The following MGAT4C variants were observed in gnomAD, a reference collection of about 807,000 sequenced individuals.
MGAT4C encodes MGAT4 family member C.
MGAT4C carries 19 observed loss-of-function variants against 40.1 expected under a neutral mutation model. That is an observed-to-expected ratio of 0.47 (90% CI 0.33 to 0.70). The LOEUF (loss-of-function observed/expected upper bound fraction) is 0.70. Among genes scored for constraint, MGAT4C ranks in the 30% least tolerant of loss-of-function variants. MGAT4C has a pLI of 0.02. For missense variants in MGAT4C, 491 were observed against 563.2 expected (o/e 0.87, Z 1.30); for synonymous variants, 181 against 187.1 (o/e 0.97, Z 0.27).
In MGAT4C at chr12:86,319,892, A is replaced by G. The variant is rs1044752028; in HGVS notation, c.-57+14173T>C. Among the ~76,000 whole-genome samples, 4 of 152,210 alleles carry G rather than the reference A, an allele frequency of 2.6e-5. No individual in the cohort carries two copies. The South Asian group carries it at 8.3e-4, about 32-fold the overall frequency. ...AAATGATAAAATTTTTTTAAAGTCC[A>G]TAATTTGAAAAGAAGAAATGAAATT... On this transcript the variant is annotated intron_variant, in intron 4 of 7. Coordinates refer to the MGAT4C transcript ENST00000548651.
At chr12:86,246,107 A>G (rs1195992787) in intron 1 of MGAT4C, among the ~76,000 whole-genome samples, 3 of 149,982 alleles carry the variant, frequency 2.0e-5, no homozygotes, top group Non-Finnish European at 4.4e-5. Flanking sequence ...GTTTCAGTTA[A>G]TTTCTCCAAT....
chr12:86,352,503 A>G (rs1449641389), intron 3 of MGAT4C, among the ~76,000 whole-genome samples: 1 of 152,122 alleles, frequency 6.6e-6, no homozygotes, highest in Non-Finnish European at 1.5e-5. Flanking sequence ...GTAATTTACT[A>G]TAGATTGATT....
chr12:86,180,196 T>A (rs1887956496), intron 1 of MGAT4C, among the ~76,000 whole-genome samples: 2 of 152,162 alleles, frequency 1.3e-5, no homozygotes, highest in African/African-American at 4.8e-5. Flanking sequence ...GTTGAGCCTG[T>A]GGGTACACAG....
intron 1 of MGAT4C, among the ~76,000 whole-genome samples, chr12:86,117,321 G>T (rs1333567442): frequency 6.6e-6 from 1 of 152,112 alleles, no homozygotes; most frequent in Non-Finnish European, 1.5e-5. Flanking sequence ...GAGTGTATCA[G>T]GGATTTTGAG....
intron 3 of MGAT4C, among the ~76,000 whole-genome samples, chr12:86,349,382 T>C (rs1003241004): frequency 4.6e-5 from 7 of 152,148 alleles, no homozygotes; most frequent in Admixed American, 2.6e-4. Flanking sequence ...TTTCCACTGC[T>C]AGTAAACGTT....
At chr12:86,069,919 T>C (rs935402292) in intron 1 of MGAT4C, among the ~76,000 whole-genome samples, 4 of 152,114 alleles carry the variant, frequency 2.6e-5, no homozygotes, top group African/African-American at 7.2e-5. Flanking sequence ...TACACAAAAT[T>C]AAATAATATA....
intron 2 of MGAT4C, among the ~76,000 whole-genome samples, chr12:86,596,359 G>A (rs981203696): frequency 1.8e-4 from 28 of 151,976 alleles, no homozygotes; most frequent in African/African-American, 6.3e-4. Flanking sequence ...TGAAACACAG[G>A]GCCAGAAATT....
At chr12:86,100,557 A>G (rs1874791333) in intron 1 of MGAT4C, among the ~76,000 whole-genome samples, 1 of 151,548 alleles carries the variant, frequency 6.6e-6, no homozygotes. Flanking sequence ...TAATTAAAAA[A>G]ATATAATGTT....
intron 2 of MGAT4C, among the ~76,000 whole-genome samples, chr12:86,684,104 G>T (rs1371690144): frequency 1.3e-5 from 2 of 152,064 alleles, no homozygotes; most frequent in Admixed American, 6.6e-5. Flanking sequence ...GGCCAGGCTG[G>T]GTGGCTCACG....
rs1322013594 is a variant in MGAT4C, at chr12:85,959,563, T to G, written c.*19726A>C. 1 of 152,012 alleles carries G rather than the reference T, an allele frequency of 6.6e-6. No homozygotes were observed. Among genetic ancestry groups the G allele is most frequent in the African/African-American group, 2.4e-5 (1 of 41,426 alleles). The allele number at this position is 152,012 out of a possible 1,614,324, so 9.4% of individuals were successfully genotyped here. A position where few individuals can be genotyped will look rare whatever the true frequency, so the allele number is the denominator to read the frequency against. On this transcript the variant is annotated 3_prime_UTR_variant, in exon 5 of 5. Transcript: ENST00000611864. ...TGAATTTTACTACTTTAGACAAAGGTACAACACTCTATTCAAAAAAGTTAT... is the reference window on the plus strand; with the variant it reads ...TGAATTTTACTACTTTAGACAAAGGGACAACACTCTATTCAAAAAAGTTAT...
At chr12:86,492,983 G>C (rs1024034355) in intron 2 of MGAT4C, among the ~76,000 whole-genome samples, 1 of 151,664 alleles carries the variant, frequency 6.6e-6, no homozygotes, top group East Asian at 1.9e-4. Flanking sequence ...AAAAGTGGGT[G>C]AAGGACATGA....
chr12:86,327,593 G>GA (rs1334844749), intron 4 of MGAT4C, among the ~76,000 whole-genome samples: 1 of 151,748 alleles, frequency 6.6e-6, no homozygotes, highest in Non-Finnish European at 1.5e-5. Flanking sequence ...TGTTTAAGTG[G>GA]AAAAAATTGA....
At chr12:86,039,082 G>T (rs562034465) in intron 2 of MGAT4C, among the ~76,000 whole-genome samples, 2 of 132,738 alleles carry the variant, frequency 1.5e-5, no homozygotes, top group Admixed American at 1.5e-4. Context: ...GTCTTGTAGG[G>T]TTTCACTGTT....
intron 2 of MGAT4C, among the ~76,000 whole-genome samples, chr12:86,506,176 G>A (rs76005596): frequency 0.027 from 4,172 of 152,224 alleles, 155 homozygotes; most frequent in African/African-American, 0.086. Flanking sequence ...CAGTTGCTAC[G>A]ATGTGATTAA....
chr12:86,060,986 T>G (rs1370383576), intron 1 of MGAT4C, among the ~76,000 whole-genome samples: 1 of 152,136 alleles, frequency 6.6e-6, no homozygotes, highest in Non-Finnish European at 1.5e-5. Context: ...ATCCCCAATA[T>G]GGGCTTTCAA....
intron 3 of MGAT4C, among the ~76,000 whole-genome samples, chr12:86,368,512 A>T (rs1412747546): frequency 6.6e-6 from 1 of 151,314 alleles, no homozygotes; most frequent in South Asian, 2.1e-4. Context: ...GTCTTTTTTT[A>T]ATGTAGGTGA....
Position 86,624,221 on chromosome 12 carries a change from G to A in MGAT4C, c.-229+102988C>T, listed in dbSNP as rs534608339. ...TTTAAAACTACATTTTACAAAATGA[G>A]ATGTCCACAGGGGACTCTGAGTACC... On this transcript the variant is annotated intron_variant, in intron 2 of 7. Transcript: ENST00000548651. Among the ~76,000 whole-genome samples the A allele has an allele frequency of 6.6e-5, 10 of 152,278 alleles. No individual in the cohort carries two copies. In the South Asian group the frequency reaches 2.1e-3, roughly 32 times the overall value.
chr12:86,286,359 A>G (rs886855025), intron 4 of MGAT4C, among the ~76,000 whole-genome samples: 4 of 152,188 alleles, frequency 2.6e-5, no homozygotes, highest in Admixed American at 6.5e-5. Context: ...CTATGTCTAC[A>G]TTAAGCTTTC....
chr12:86,406,831 G>T (rs188308357), intron 3 of MGAT4C, among the ~76,000 whole-genome samples: 1 of 152,192 alleles, frequency 6.6e-6, no homozygotes, highest in Admixed American at 6.6e-5. Context: ...GACCAAATGT[G>T]TGAGGATATT....
Sources: allele counts gnomAD v4.1 joint callset (sites outside exome capture counted in the v4.1 genomes callset), GRCh38; gene constraint gnomAD v4.1.1; transcripts MANE v1.5; gene names NCBI Gene and HGNC (gene_info 2026-07-23, HGNC 2026-07-21).